Variants in ZDHHC15 observed in about 807,000 individuals in gnomAD.
ZDHHC15 encodes the protein palmitoyltransferase ZDHHC15.
Under a neutral mutation model 31.7 loss-of-function variants are expected in ZDHHC15, and 19 were observed. The observed-to-expected ratio is 0.60, with a 90% CI of 0.42 to 0.88. The LOEUF is 0.88. Among genes scored for constraint, ZDHHC15 ranks in the 40% least tolerant of loss-of-function variants. ZDHHC15 has a pLI of 0.00. For synonymous variants in ZDHHC15, 103 were observed against 90.0 expected (o/e 1.14, Z -0.82); for missense variants, 209 against 251.2 (o/e 0.83, Z 1.14).
intron 11 of ZDHHC15, among the ~76,000 whole-genome samples, chrX:75,378,582 G>A (rs1263809552): frequency 8.9e-6 from 1 of 111,928 alleles, no homozygotes; most frequent in South Asian, 3.7e-4. Flanking sequence ...ACCTGTGAGT[G>A]TTGCAAAAAG....
chrX:75,399,674 G>A (rs1431064300), intron 10 of ZDHHC15, among the ~76,000 whole-genome samples: 1 of 111,441 alleles, frequency 9.0e-6, no homozygotes, highest in African/African-American at 3.3e-5. Context: ...CAGCCCAACT[G>A]TGCCAAGTCA....
intron 7 of ZDHHC15, among the ~76,000 whole-genome samples, chrX:75,425,832 CTGAGA>C (rs772877095): frequency 3.6e-5 from 4 of 111,333 alleles, no homozygotes; most frequent in East Asian, 5.6e-4. Flanking sequence ...TTTTTCTTCT[CTGAGA>C]TAATATTTTT....
chrX:75,483,171 A>G (rs1007694510), intron 2 of ZDHHC15, among the ~76,000 whole-genome samples: 13 of 109,033 alleles, frequency 1.2e-4, no homozygotes, highest in African/African-American at 4.0e-4. Flanking sequence ...AGTATCTGAC[A>G]TACTCTTAGG....
intron 3 of ZDHHC15, among the ~76,000 whole-genome samples, chrX:75,473,123 T>A (rs1011587342): frequency 8.9e-6 from 1 of 111,898 alleles, no homozygotes; most frequent in Non-Finnish European, 1.9e-5. Flanking sequence ...GCTAAAGACG[T>A]GAGGCAGTGG....
At chrX:75,454,368 A>T (rs1020880927) in intron 3 of ZDHHC15, among the ~76,000 whole-genome samples, 1 of 112,037 alleles carries the variant, frequency 8.9e-6, no homozygotes, top group Non-Finnish European at 1.9e-5. Flanking sequence ...AGTCTTTGCT[A>T]TTGTGAATGG....
At chrX:75,492,266 C>T (rs1367148369) in intron 2 of ZDHHC15, among the ~76,000 whole-genome samples, 1 of 111,478 alleles carries the variant, frequency 9.0e-6, no homozygotes, top group Non-Finnish European at 1.9e-5. Context: ...TACAGGAGCA[C>T]CCAGATTCAT....
chrX:75,501,570 C>T (rs1275123823), intron 2 of ZDHHC15: 1 of 111,583 alleles, frequency 9.0e-6, no homozygotes, highest in Non-Finnish European at 1.9e-5. Flanking sequence ...TGCACTCCCA[C>T]CAACAGTGTG....
At chrX:75,378,214 G>A (rs2083079239) in intron 11 of ZDHHC15, among the ~76,000 whole-genome samples, 1 of 112,163 alleles carries the variant, frequency 8.9e-6, no homozygotes, top group Non-Finnish European at 1.9e-5. Flanking sequence ...TACTACATAT[G>A]CAGACTTGGA....
At chrX:75,494,918 C>T (rs1378885713) in intron 2 of ZDHHC15, among the ~76,000 whole-genome samples, 1 of 111,804 alleles carries the variant, frequency 8.9e-6, no homozygotes, top group Non-Finnish European at 1.9e-5. Context: ...GCAACAAAAG[C>T]CAAAATTGAC....
chrX:75,406,219 T>A (rs1228297546), intron 10 of ZDHHC15, among the ~76,000 whole-genome samples: 3 of 110,393 alleles, frequency 2.7e-5, no homozygotes, highest in Non-Finnish European at 5.7e-5. Context: ...AAAAGGGAAG[T>A]TTATATAAAT....
intron 4 of ZDHHC15, among the ~76,000 whole-genome samples, chrX:75,437,375 T>C (rs1489405589): frequency 1.3e-4 from 13 of 96,937 alleles, no homozygotes; most frequent in East Asian, 6.8e-4. Context: ...CATGCTGGTG[T>C]GCTGCACCCA....
intron 4 of ZDHHC15, among the ~76,000 whole-genome samples, chrX:75,447,618 T>C (rs1294828004): frequency 8.9e-6 from 1 of 111,761 alleles, no homozygotes; most frequent in East Asian, 2.9e-4. Context: ...GTCCAATAGA[T>C]GATGCTGATT....
chrX:75,432,361 T>C (rs2083790792), intron 4 of ZDHHC15, among the ~76,000 whole-genome samples: 1 of 111,841 alleles, frequency 8.9e-6, no homozygotes, highest in South Asian at 3.7e-4. Context: ...ATATAATCAT[T>C]TCATCTAAAG....
At chrX:75,510,725 C>T (rs1158497818) in intron 1 of ZDHHC15, among the ~76,000 whole-genome samples, 1 of 77,096 alleles carries the variant, frequency 1.3e-5, no homozygotes, top group Non-Finnish European at 2.4e-5. Context: ...ATCCCTCCCC[C>T]ATCCCCCGAC....
At chrX:75,495,038 T>A (rs1368641523) in intron 2 of ZDHHC15, among the ~76,000 whole-genome samples, 1 of 111,335 alleles carries the variant, frequency 9.0e-6, no homozygotes, top group Non-Finnish European at 1.9e-5. Flanking sequence ...TACTCATCTG[T>A]CAAAGGGCTA....
intron 10 of ZDHHC15, among the ~76,000 whole-genome samples, chrX:75,404,829 A>G (rs2083393967): frequency 8.9e-6 from 1 of 111,902 alleles, no homozygotes; most frequent in South Asian, 3.8e-4. Context: ...CAATTCCTCA[A>G]AGATCTAAAA....
chrX:75,500,867 C>T (rs2085077500), intron 2 of ZDHHC15, among the ~76,000 whole-genome samples: 1 of 110,216 alleles, frequency 9.1e-6, no homozygotes, highest in African/African-American at 3.3e-5. Context: ...AGACGTTTTA[C>T]TCTCAGTGCC....
intron 2 of ZDHHC15, among the ~76,000 whole-genome samples, chrX:75,498,208 C>G (rs765084028): frequency 1.8e-5 from 2 of 110,922 alleles, no homozygotes; most frequent in Non-Finnish European, 3.8e-5. Flanking sequence ...GCTGGGATTA[C>G]AGGCGTGAGC....
intron 3 of ZDHHC15, among the ~76,000 whole-genome samples, chrX:75,467,837 C>G (rs1395524779): frequency 9.0e-6 from 1 of 111,235 alleles, no homozygotes; most frequent in Non-Finnish European, 1.9e-5. Flanking sequence ...GCAACCATTA[C>G]CGCTATCTAG....
Sources: gnomAD v4.1 joint callset for allele counts (sites outside exome capture counted in the v4.1 genomes callset) on GRCh38, gnomAD v4.1.1 for gene constraint, MANE v1.5 for transcripts, NCBI Gene and HGNC (gene_info 2026-07-23, HGNC 2026-07-21) for gene names.